TRIO: variants seen among roughly 807,000 people sequenced by gnomAD.
The protein encoded by TRIO is trio Rho guanine nucleotide exchange factor.
In TRIO, 58 loss-of-function variants were observed where a neutral mutation model predicts 351.9. The observed-to-expected ratio is 0.16, with a 90% confidence interval of 0.13 to 0.21. The LOEUF (loss-of-function observed/expected upper bound fraction) is 0.21, where lower values mean the gene tolerates loss of function less well. Among genes scored for constraint, TRIO ranks in the 10% least tolerant of loss-of-function variants. The probability of loss-of-function intolerance (pLI) is 1.00; values close to 1 mark genes in which losing one functional copy is unlikely to be tolerated. For missense variants in TRIO, 3,201 were observed against 4,027.8 expected (o/e 0.79, Z 5.56); for synonymous variants, 1,758 against 1,595.7 (o/e 1.10, Z -2.42).
At chr5:14,414,171 G>A (rs1285201581) in intron 33 of TRIO, among the ~76,000 whole-genome samples, 1 of 152,140 alleles carries the variant, frequency 6.6e-6, no homozygotes, top group Non-Finnish European at 1.5e-5. Context: ...CCCCGCCCTC[G>A]TTCCCTTTTC....
intron 36 of TRIO, among the ~76,000 whole-genome samples, chr5:14,464,666 G>T (rs1010744652): frequency 5.3e-5 from 8 of 152,114 alleles, no homozygotes; most frequent in African/African-American, 1.9e-4. Flanking sequence ...ACGTGTAAAA[G>T]CCTTGTTGTG....
chr5:14,173,665 G>A lies in TRIO; in HGVS notation c.157+29783G>A, dbSNP rs142310697. On this transcript the variant is annotated intron_variant, in intron 1 of 56. Coordinates refer to ENST00000344204, the MANE Select transcript of TRIO (RefSeq NM_007118.4). ...TAATTAGATAAGGATTGGGGGCACC[G>A]TTCATTTCAGTAAGAGCAGAATCGA... Among the ~76,000 whole-genome samples, 53 of 152,316 alleles carry A rather than the reference G, an allele frequency of 3.5e-4. 1 individual carries two copies. The highest frequency in any genetic ancestry group is 1.3e-3 in the African/African-American group (53 of 41,576).
intron 9 of TRIO, among the ~76,000 whole-genome samples, chr5:14,330,019 A>G (rs189619514): frequency 3.2e-4 from 49 of 152,322 alleles, no homozygotes; most frequent in African/African-American, 1.2e-3. Context: ...GGACCTGTGT[A>G]TTTCAAACCC....
intron 31 of TRIO, among the ~76,000 whole-genome samples, chr5:14,401,932 CTT>C (rs1748106387): frequency 6.6e-6 from 1 of 152,076 alleles, no homozygotes; most frequent in South Asian, 2.1e-4. Flanking sequence ...TTTTTCATCT[CTT>C]TGGTATTTTC....
intron 1 of TRIO, among the ~76,000 whole-genome samples, chr5:14,174,700 T>G (rs1181710474): frequency 6.6e-6 from 1 of 152,164 alleles, no homozygotes; most frequent in Admixed American, 6.5e-5. Context: ...ATTCCCTCCA[T>G]AGGTAGAGGT....
intron 7 of TRIO, among the ~76,000 whole-genome samples, chr5:14,303,337 A>G (rs901432827): frequency 2.3e-5 from 3 of 129,194 alleles, no homozygotes; most frequent in African/African-American, 9.2e-5. Flanking sequence ...GGAATTGATG[A>G]TCCTGGAGAT....
chr5:14,497,764 C>T lies in TRIO; in HGVS notation c.8020-83C>T, dbSNP rs2126679997. On this transcript the variant is annotated intron_variant, in intron 50 of 56. Transcript: ENST00000344204. This position sits in a 1 kb window ranked among gnomAD's most constrained non-coding sequence, Gnocchi z 4.4. ...AAGTCAGTTTCTGCAAATCTTTCAACAATAATTGTAGCCCTGGAATGAAAG... is the reference window on the plus strand; with the variant it reads ...AAGTCAGTTTCTGCAAATCTTTCAATAATAATTGTAGCCCTGGAATGAAAG... 1 of 1,569,520 alleles carries T rather than the reference C, an allele frequency of 6.4e-7. No individual in the cohort carries two copies. The highest frequency in any genetic ancestry group is 8.8e-7 in the Non-Finnish European group (1 of 1,140,700).
At chr5:14,206,310 C>T (rs1791453468) in intron 1 of TRIO, among the ~76,000 whole-genome samples, 2 of 152,210 alleles carry the variant, frequency 1.3e-5, no homozygotes, top group Non-Finnish European at 2.9e-5. Flanking sequence ...GTCCACTTGC[C>T]TAGGCCTCCC....
intron 1 of TRIO, among the ~76,000 whole-genome samples, chr5:14,198,491 A>G (rs755035963): frequency 2.0e-5 from 3 of 152,238 alleles, no homozygotes; most frequent in Non-Finnish European, 4.4e-5. Context: ...CTCATTTAAC[A>G]TAATTACATT....
Position 14,488,405 on chromosome 5 carries a change from C to A in TRIO, c.7632+145C>A, listed in dbSNP as rs1349090126. The A allele has an allele frequency of 8.6e-6, 11 of 1,278,894 alleles. No homozygotes were observed. The Admixed American group carries it at 2.8e-4, about 33-fold the overall frequency. The allele number at this position is 1,278,894 out of a possible 1,614,324, so 79.2% of individuals were successfully genotyped here. A position where few individuals can be genotyped will look rare whatever the true frequency, so the allele number is the denominator to read the frequency against. On this transcript the variant is annotated intron_variant, in intron 48 of 56. Transcript: ENST00000344204. The stretch of plus-strand genomic sequence containing the variant: ...GCCTCTACCTGGGACCAGGCTAACC[C>A]TCCTGCGGGCCGGCCCACGGCGCTA...
At chr5:14,189,644 C>T (rs1790339321) in intron 1 of TRIO, among the ~76,000 whole-genome samples, 1 of 152,000 alleles carries the variant, frequency 6.6e-6, no homozygotes, top group Non-Finnish European at 1.5e-5. Context: ...ACTGTTTCTG[C>T]CAGTCTAAGC....
chr5:14,298,681 A>C (rs553753798), intron 7 of TRIO, among the ~76,000 whole-genome samples: 5 of 152,344 alleles, frequency 3.3e-5, no homozygotes, highest in African/African-American at 1.2e-4. Context: ...AGAGACCTTT[A>C]AAGTATAAAG....
intron 1 of TRIO, among the ~76,000 whole-genome samples, chr5:14,193,797 T>C (rs1790586833): frequency 6.6e-6 from 1 of 152,200 alleles, no homozygotes; most frequent in South Asian, 2.1e-4. Context: ...GAATAAGACC[T>C]CACATACATT....
chr5:14,506,321 AC>A (rs373020421), intron 55 of TRIO, among the ~76,000 whole-genome samples: 35 of 152,280 alleles, frequency 2.3e-4, no homozygotes, highest in African/African-American at 7.2e-4. Flanking sequence ...TCCTGTTCTC[AC>A]CGGCGACTCC....
intron 11 of TRIO, among the ~76,000 whole-genome samples, chr5:14,357,731 G>A (rs1464376528): frequency 1.3e-5 from 2 of 152,128 alleles, no homozygotes; most frequent in Non-Finnish European, 1.5e-5. Context: ...GCTTCCGGGG[G>A]AAATCGGTGG....
chr5:14,193,189 A>G (rs1171996758), intron 1 of TRIO, among the ~76,000 whole-genome samples: 1 of 152,236 alleles, frequency 6.6e-6, no homozygotes, highest in Non-Finnish European at 1.5e-5. Context: ...TGTGTAGTAG[A>G]GTAATACTGA....
At chr5:14,171,554 T>A (rs1280835798) in intron 1 of TRIO, among the ~76,000 whole-genome samples, 1 of 152,218 alleles carries the variant, frequency 6.6e-6, no homozygotes, top group Non-Finnish European at 1.5e-5. Context: ...CCAAACACTG[T>A]TCTTATGTAG....
In TRIO at chr5:14,202,684, C is replaced by G. The variant is rs73057526; in HGVS notation, c.157+58802C>G. 2.7e-5 allele frequency among the ~76,000 whole-genome samples: 4 copies of G among 148,542 alleles called. No individual in the cohort carries two copies. The East Asian group carries it at 7.8e-4, about 29-fold the overall frequency. ...CTGATGATTTTATAAGGAGTTTCCC[C>G]TTTTGCTTGGCTCTCATTATCTCGT... On this transcript the variant is annotated intron_variant, in intron 1 of 56. Coordinates refer to ENST00000344204, the MANE Select transcript of TRIO (RefSeq NM_007118.4).
At chr5:14,393,091 G>T (rs1747249420) in intron 27 of TRIO, among the ~76,000 whole-genome samples, 1 of 151,092 alleles carries the variant, frequency 6.6e-6, no homozygotes, top group Non-Finnish European at 1.5e-5. Context: ...CATGTTCTTT[G>T]CAGGGACATA....
Sources: gnomAD v4.1 joint callset for allele counts (sites outside exome capture counted in the v4.1 genomes callset) on GRCh38, gnomAD v4.1.1 for gene constraint, Gnocchi (gnomAD v3.1) non-coding constraint, MANE v1.5 for transcripts, NCBI Gene and HGNC (gene_info 2026-07-23, HGNC 2026-07-21) for gene names.